Variants in SLC25A20 observed in about 807,000 individuals in gnomAD.
SLC25A20 encodes the protein mitochondrial carnitine/acylcarnitine carrier protein.
In SLC25A20, 29 loss-of-function variants were observed where a neutral mutation model predicts 39.7. The observed-to-expected ratio is 0.73, with a 90% CI of 0.54 to 1.00. The LOEUF (loss-of-function observed/expected upper bound fraction) is 1.00, where lower values mean the gene tolerates loss of function less well. Ranked by LOEUF, SLC25A20 falls within the 50% of genes least tolerant of loss-of-function variation. The probability of loss-of-function intolerance (pLI) is 0.00; values close to 1 mark genes in which losing one functional copy is unlikely to be tolerated. For missense variants in SLC25A20, 333 were observed against 379.9 expected, an observed-to-expected ratio of 0.88 and a Z score of 1.03; for synonymous variants, 103 against 142.2, an observed-to-expected ratio of 0.72 and a Z score of 1.96.
rs774214014 is a variant in SLC25A20 at position 48,883,951 on chromosome 3, C to T, written c.326+46G>A. 23 of 1,607,662 alleles carry T rather than the reference C, an allele frequency of 1.4e-5. 1 individual carries two copies. The highest frequency in any genetic ancestry group is 3.3e-5 in the South Asian group (3 of 90,578). On this transcript the variant is annotated intron_variant, in intron 3 of 8. Transcript: ENST00000319017. Reference sequence around the variant, plus strand: ...AGTTTCTTTATTTTAACCCATGTCACGCTACCAGGCAGAACAGCAAGTGCT... The same window carrying T: ...AGTTTCTTTATTTTAACCCATGTCATGCTACCAGGCAGAACAGCAAGTGCT...
At chr3:48,883,269 TG>T (rs2083807361) in intron 3 of SLC25A20, among the ~76,000 whole-genome samples, 1 of 149,834 alleles carries the variant, frequency 6.7e-6, no homozygotes, top group Admixed American at 6.6e-5. Context: ...TCCCAGGAGT[TG>T]GGCCAGGCAC....
intron 4 of SLC25A20, among the ~76,000 whole-genome samples, chr3:48,867,194 A>G (rs750265390): frequency 5.3e-5 from 8 of 151,894 alleles, no homozygotes; most frequent in Non-Finnish European, 1.2e-4. Flanking sequence ...CATATACCTC[A>G]GCTTCCAAAA....
intron 2 of SLC25A20, among the ~76,000 whole-genome samples, chr3:48,890,590 G>A (rs1348351759): frequency 2.6e-5 from 4 of 151,186 alleles, no homozygotes; most frequent in East Asian, 1.9e-4. Context: ...CCATGATCAC[G>A]TGATTTGCCT....
chr3:48,884,073 G>A lies in SLC25A20; in HGVS notation c.250C>T (p.Pro84Ser), dbSNP rs757186009. ...GMAAPIIGVT[P>S]MFAVCFFGFG... ...CCAAAGAAGCACACGGCAAACATGG[G>A]AGTGACCCCGATGATAGGGGCAGCC... Residue 84 changes from proline to serine, a missense_variant, in exon 3 of 9, where the codon CCC (proline) becomes TCC (serine). By Grantham distance (74) the Pro-to-Ser change is moderately conservative. Coordinates refer to ENST00000319017, the MANE Select transcript of SLC25A20 (RefSeq NM_000387.6). 1.9e-6 allele frequency: 3 copies of A among 1,613,942 alleles called. No individual in the cohort carries two copies. In the South Asian group the frequency reaches 3.3e-5, roughly 18 times the overall value.
In SLC25A20 at chr3:48,859,204, G is replaced by A. The variant is rs759191715; in HGVS notation, c.609-3C>T. On this transcript the variant is annotated splice_region_variant and splice_polypyrimidine_tract_variant and intron_variant, in intron 6 of 8. Coordinates refer to ENST00000319017, the MANE Select transcript of SLC25A20 (RefSeq NM_000387.6). Reference sequence around the variant, plus strand: ...GAGGGGCACTGAGCTCACTGACCCTGTATAACACCAACCACAGCCCCAGTT... The same window carrying A: ...GAGGGGCACTGAGCTCACTGACCCTATATAACACCAACCACAGCCCCAGTT... 1.2e-5 allele frequency: 19 copies of A among 1,612,124 alleles called. No homozygotes were observed. Among genetic ancestry groups the A allele is most frequent in the Admixed American group, 1.7e-5 (1 of 59,974 alleles).
chr3:48,887,908 A>G (rs2083842575), intron 2 of SLC25A20, among the ~76,000 whole-genome samples: 1 of 151,452 alleles, frequency 6.6e-6, no homozygotes, highest in Admixed American at 6.6e-5. Context: ...ATAAAAAAAA[A>G]GAAGAAGAAG....
At chr3:48,879,521 G>A (rs1034296158) in intron 3 of SLC25A20, 73 bp from the exon 4 acceptor site, 2 of 988,016 alleles carry the variant, frequency 2.0e-6, no homozygotes, top group South Asian at 2.6e-5. Flanking sequence ...TCCCAGCAAA[G>A]AGGACAGTTT....
chr3:48,885,311 A>G (rs541992712), intron 2 of SLC25A20, among the ~76,000 whole-genome samples: 6 of 152,230 alleles, frequency 3.9e-5, no homozygotes, highest in Admixed American at 2.6e-4. Context: ...GTAACCAATA[A>G]ATAATTAGAC....
chr3:48,860,256 G>A (rs1339873049), intron 5 of SLC25A20, among the ~76,000 whole-genome samples: 1 of 150,328 alleles, frequency 6.7e-6, no homozygotes, highest in Non-Finnish European at 1.5e-5. Flanking sequence ...AGCTGAGACT[G>A]CGCCACTGCA....
intron 1 of SLC25A20, among the ~76,000 whole-genome samples, chr3:48,894,568 G>A (rs370319192): frequency 1.3e-4 from 19 of 151,726 alleles, no homozygotes; most frequent in Middle Eastern, 3.4e-3. Context: ...CCACCGGCCC[G>A]GCCCTGATAA....
chr3:48,859,032 A>T (rs746138859), intron 7 of SLC25A20, 60 bp downstream of exon 7: 56 of 1,375,232 alleles, frequency 4.1e-5, no homozygotes, highest in Non-Finnish European at 5.7e-5. Context: ...TTTGCACCCC[A>T]GGATTAGCCA....
chr3:48,898,397 T>C (rs1215656243), intron 1 of SLC25A20, among the ~76,000 whole-genome samples: 1 of 152,218 alleles, frequency 6.6e-6, no homozygotes, highest in Non-Finnish European at 1.5e-5. Context: ...GAGACGTTTA[T>C]TCCTTCCCAT....
At position 48,884,088 on chromosome 3, in the gene SLC25A20, T is replaced by C. The variant is rs771999740; in HGVS notation, c.235A>G (p.Ile79Val). ...GCAAACATGGGAGTGACCCCGATGA[T>C]AGGGGCAGCCATTCCCCGATATAGC... ...TGLYRGMAAP[I>V]IGVTPMFAVC... The change falls in exon 3 of 9, where the codon ATC (isoleucine) becomes GTC (valine). Residue 79 changes from isoleucine (I) to valine (V), a missense_variant. Transcript: ENST00000319017. The C allele has an allele frequency of 2.5e-6, 4 of 1,613,710 alleles. No homozygotes were observed. The highest frequency in any genetic ancestry group is 2.7e-5 in the African/African-American group (2 of 74,896).
chr3:48,897,423 T>C (rs2083918565), intron 1 of SLC25A20, among the ~76,000 whole-genome samples: 3 of 148,736 alleles, frequency 2.0e-5, no homozygotes, highest in South Asian at 4.3e-4. Flanking sequence ...TAATAAGATA[T>C]CTGCCTATAT....
intron 4 of SLC25A20, among the ~76,000 whole-genome samples, chr3:48,873,968 CAAAA>C (rs11316117): frequency 4.9e-5 from 2 of 41,076 alleles, no homozygotes; most frequent in Admixed American, 4.2e-4. Flanking sequence ...GACTCCATCT[CAAAA>C]AAAAAAAAAA....
chr3:48,867,977 C>T (rs963561383), intron 4 of SLC25A20, among the ~76,000 whole-genome samples: 5 of 151,876 alleles, frequency 3.3e-5, no homozygotes, highest in African/African-American at 1.2e-4. Context: ...AGGAGAATTA[C>T]TTGAACCTGG....
At position 48,891,967 on chromosome 3, in the gene SLC25A20, A is replaced by G. The variant is rs1399119889; in HGVS notation, c.198+13T>C. 1.3e-5 allele frequency: 21 copies of G among 1,595,434 alleles called. No individual in the cohort carries two copies. The highest frequency in any genetic ancestry group is 1.8e-5 in the Non-Finnish European group (21 of 1,163,138). ...GTTCTGAGTAAGAGGAATGCCCAGC[A>G]CCATATACCAACCTCTCTAAAAAGA... is the stretch of plus-strand genomic sequence containing the variant. On this transcript the variant is annotated intron_variant, in intron 2 of 8. Coordinates refer to ENST00000319017, the MANE Select transcript of SLC25A20 (RefSeq NM_000387.6).
intron 3 of SLC25A20, among the ~76,000 whole-genome samples, chr3:48,883,747 A>G (rs1174377251): frequency 3.4e-5 from 5 of 148,242 alleles, no homozygotes; most frequent in Admixed American, 6.9e-5. Flanking sequence ...TCGGCCTTCC[A>G]AGTAGCTGGG....
chr3:48,878,283 TATA>T (rs2083776991), intron 4 of SLC25A20, among the ~76,000 whole-genome samples: 1 of 140,200 alleles, frequency 7.1e-6, no homozygotes, highest in African/African-American at 2.6e-5. Context: ...AATATATATA[TATA>T]TATATATATA....
Sources: gnomAD v4.1 joint callset for allele counts (sites outside exome capture counted in the v4.1 genomes callset) on GRCh38, gnomAD v4.1.1 for gene constraint, MANE v1.5 for transcripts, NCBI Gene and HGNC (gene_info 2026-07-23, HGNC 2026-07-21) for gene names.